The following EXOC4 variants were observed in gnomAD, a reference collection of about 807,000 sequenced individuals.
EXOC4 encodes the protein exocyst complex component 4.
A neutral mutation model predicts 107.2 loss-of-function variants in EXOC4; 71 were observed. The ratio of observed to expected loss-of-function variants is 0.66; its 90% CI spans 0.55 to 0.81. The LOEUF is 0.81. Among genes scored for constraint, EXOC4 ranks in the 30% least tolerant of loss-of-function variants. The pLI is 0.00. For missense variants in EXOC4, 1,108 were observed against 1,189.6 expected (o/e 0.93, Z 1.01); for synonymous variants, 456 against 441.2 (o/e 1.03, Z -0.42).
At chr7:134,012,001 A>ATACACT (rs1450081426) in intron 17 of EXOC4, among the ~76,000 whole-genome samples, 2 of 152,200 alleles carry the variant, frequency 1.3e-5, no homozygotes, top group East Asian at 3.9e-4. Flanking sequence ...AGAGGGAGGC[A>ATACACT]TACACTTAAC....
At chr7:133,956,773 C>G (rs1425257809) in intron 14 of EXOC4, among the ~76,000 whole-genome samples, 1 of 152,074 alleles carries the variant, frequency 6.6e-6, no homozygotes, top group Non-Finnish European at 1.5e-5. Context: ...TAAAGCCAAT[C>G]AAGATTTAAG....
At chr7:133,542,947 A>G (rs1022826280) in intron 9 of EXOC4, among the ~76,000 whole-genome samples, 3 of 152,144 alleles carry the variant, frequency 2.0e-5, no homozygotes, top group African/African-American at 7.2e-5. Flanking sequence ...GTGTGTTTAG[A>G]CTAGAAATAT....
chr7:133,448,733 G>A lies in EXOC4; in HGVS notation c.1183-26595G>A, dbSNP rs1798274738. The stretch of plus-strand genomic sequence containing the variant: ...GACCTCATTTAGAGATAGGGTCTTT[G>A]CAGATGCAGTCAAATTAAGGTGAGG... On this transcript the variant is annotated intron_variant, in intron 7 of 17. Coordinates refer to ENST00000253861, the MANE Select transcript of EXOC4 (RefSeq NM_021807.4). Among the ~76,000 whole-genome samples the A allele has an allele frequency of 2.6e-5, 4 of 152,194 alleles. No individual in the cohort carries two copies. The South Asian group carries it at 8.3e-4, about 32-fold the overall frequency.
chr7:133,843,149 G>A (rs572063678), intron 11 of EXOC4, among the ~76,000 whole-genome samples: 1 of 152,046 alleles, frequency 6.6e-6, no homozygotes, highest in East Asian at 1.9e-4. Context: ...GACTATTTGG[G>A]CTCTTTTTTG....
At chr7:134,039,621 C>G (rs1016349302) in intron 17 of EXOC4, among the ~76,000 whole-genome samples, 1 of 152,174 alleles carries the variant, frequency 6.6e-6, no homozygotes, top group Non-Finnish European at 1.5e-5. Context: ...ACCTCTACCC[C>G]CAGCTGGTCA....
chr7:133,628,808 T>C (rs554954669), intron 9 of EXOC4, among the ~76,000 whole-genome samples: 1 of 152,096 alleles, frequency 6.6e-6, no homozygotes, highest in South Asian at 2.1e-4. Flanking sequence ...AGAGTATGAG[T>C]CCTGGTCGGA....
chr7:133,907,779 C>T (rs1328934092), intron 12 of EXOC4, among the ~76,000 whole-genome samples: 3 of 149,098 alleles, frequency 2.0e-5, no homozygotes, highest in Admixed American at 2.0e-4. Context: ...GCAGAGGTTG[C>T]AGTGAGGACT....
intron 14 of EXOC4, among the ~76,000 whole-genome samples, chr7:133,989,187 C>CA (rs1426841417): frequency 1.3e-5 from 2 of 152,120 alleles, no homozygotes; most frequent in Non-Finnish European, 2.9e-5. Context: ...AAATTACACT[C>CA]ACGTTTGCAG....
intron 9 of EXOC4, among the ~76,000 whole-genome samples, chr7:133,621,539 G>A (rs1294475105): frequency 2.0e-5 from 3 of 152,118 alleles, no homozygotes; most frequent in Non-Finnish European, 1.5e-5. Flanking sequence ...GCACATACAC[G>A]TGACATGCTG....
intron 10 of EXOC4, among the ~76,000 whole-genome samples, chr7:133,663,088 A>G (rs1291594870): frequency 6.6e-6 from 1 of 152,186 alleles, no homozygotes; most frequent in African/African-American, 2.4e-5. Flanking sequence ...CCTGCTGATC[A>G]GAACAAAGTG....
intron 5 of EXOC4, among the ~76,000 whole-genome samples, chr7:133,339,890 A>G (rs1172262394): frequency 6.6e-6 from 1 of 152,124 alleles, no homozygotes; most frequent in African/African-American, 2.4e-5. Context: ...AATTTATCAG[A>G]TATAGGAGCT....
chr7:133,757,350 TCTTA>T (rs1795940512), intron 10 of EXOC4, among the ~76,000 whole-genome samples: 2 of 152,322 alleles, frequency 1.3e-5, no homozygotes, highest in South Asian at 4.2e-4. Context: ...ATATGAAGCA[TCTTA>T]CTTTTAAAAA....
At chr7:133,583,185 T>C (rs1401568406) in intron 9 of EXOC4, among the ~76,000 whole-genome samples, 1 of 152,222 alleles carries the variant, frequency 6.6e-6, no homozygotes, top group Non-Finnish European at 1.5e-5. Context: ...TTACATTTTA[T>C]TTCTTTGAGA....
At chr7:133,606,218 G>A (rs1801942374) in intron 9 of EXOC4, among the ~76,000 whole-genome samples, 1 of 151,998 alleles carries the variant, frequency 6.6e-6, no homozygotes, top group Non-Finnish European at 1.5e-5. Context: ...CACCTTTACA[G>A]TCTGTTCCAT....
chr7:133,695,961 A>T (rs1440952911), intron 10 of EXOC4, among the ~76,000 whole-genome samples: 1 of 152,242 alleles, frequency 6.6e-6, no homozygotes, highest in African/African-American at 2.4e-5. Flanking sequence ...ATTAACATAT[A>T]AATATGGTTC....
intron 9 of EXOC4, among the ~76,000 whole-genome samples, chr7:133,499,399 C>G (rs973362502): frequency 2.0e-5 from 3 of 152,000 alleles, no homozygotes; most frequent in Admixed American, 6.6e-5. Context: ...ATTTTCCCTT[C>G]AAGTTTAGAG....
At chr7:133,902,804 G>A (rs897882410) in intron 12 of EXOC4, among the ~76,000 whole-genome samples, 3 of 151,610 alleles carry the variant, frequency 2.0e-5, no homozygotes, top group Non-Finnish European at 2.9e-5. Flanking sequence ...GCAGTGAGCC[G>A]AGATTGCGCC....
At chr7:133,946,686 T>C (rs1479196447) in intron 14 of EXOC4, among the ~76,000 whole-genome samples, 1 of 152,264 alleles carries the variant, frequency 6.6e-6, no homozygotes, top group East Asian at 1.9e-4. Flanking sequence ...TTACTAGGAA[T>C]GGAGATGCTG....
chr7:133,504,751 A>C (rs1032039881), intron 9 of EXOC4, among the ~76,000 whole-genome samples: 1 of 152,046 alleles, frequency 6.6e-6, no homozygotes, highest in Non-Finnish European at 1.5e-5. Context: ...TATATTATTG[A>C]TATTTCTGCC....
Sources: gnomAD v4.1 joint callset for allele counts (sites outside exome capture counted in the v4.1 genomes callset) on GRCh38, gnomAD v4.1.1 for gene constraint, MANE v1.5 for transcripts, NCBI Gene and HGNC (gene_info 2026-07-23, HGNC 2026-07-21) for gene names.